PTK2B: variants seen among roughly 807,000 people sequenced by gnomAD.
PTK2B encodes protein-tyrosine kinase 2-beta.
A neutral mutation model predicts 142.9 loss-of-function variants in PTK2B; 71 were observed. The ratio of observed to expected loss-of-function variants is 0.50; its 90% CI spans 0.41 to 0.61. The LOEUF is 0.61. Ranked by LOEUF, PTK2B falls within the 20% of genes least tolerant of loss-of-function variation. The pLI, the probability that PTK2B is intolerant of heterozygous loss-of-function variation, is 0.00. For missense variants in PTK2B, 1,105 were observed against 1,320.4 expected, an observed-to-expected ratio of 0.84 and a Z score of 2.53; for synonymous variants, 519 against 503.4, an observed-to-expected ratio of 1.03 and a Z score of -0.42.
chr8:27,370,085 A>G (rs990044807), intron 1 of PTK2B, among the ~76,000 whole-genome samples: 1 of 152,248 alleles, frequency 6.6e-6, no homozygotes, highest in East Asian at 1.9e-4. Context: ...TCAGGGTCTC[A>G]GAGCTCTTGG....
intron 2 of PTK2B, among the ~76,000 whole-genome samples, chr8:27,409,536 G>A (rs1032783809): frequency 3.3e-5 from 5 of 152,106 alleles, no homozygotes; most frequent in African/African-American, 1.2e-4. Flanking sequence ...GGGTACAGAG[G>A]GGATGGGACT....
At chr8:27,371,388 G>A (rs1485065454) in intron 1 of PTK2B, among the ~76,000 whole-genome samples, 3 of 152,178 alleles carry the variant, frequency 2.0e-5, no homozygotes, top group Non-Finnish European at 4.4e-5. Flanking sequence ...AATGGGCATA[G>A]CGTGAAGAAT....
intron 2 of PTK2B, among the ~76,000 whole-genome samples, chr8:27,402,284 G>C (rs916932842): frequency 6.6e-6 from 1 of 152,150 alleles, no homozygotes; most frequent in African/African-American, 2.4e-5. Flanking sequence ...TGGGTGGTCA[G>C]GGTCCCATTG....
At chr8:27,443,069 C>T (rs914133131) in intron 22 of PTK2B, 86 bp downstream of exon 22, 15 of 825,816 alleles carry the variant, frequency 1.8e-5, no homozygotes, top group Non-Finnish European at 2.6e-5. Flanking sequence ...ACTGCACAGG[C>T]AGGATGCCCC....
intron 1 of PTK2B, among the ~76,000 whole-genome samples, chr8:27,327,777 G>T (rs933419590): frequency 6.6e-6 from 1 of 152,204 alleles, no homozygotes; most frequent in Non-Finnish European, 1.5e-5. Flanking sequence ...CATGTAGACC[G>T]GTGAGCTTCT....
At chr8:27,417,459 G>A (rs1454229025) in intron 2 of PTK2B, among the ~76,000 whole-genome samples, 1 of 152,104 alleles carries the variant, frequency 6.6e-6, no homozygotes, top group African/African-American at 2.4e-5. Flanking sequence ...GGTGGACTGA[G>A]AAGGGATATG....
intron 1 of PTK2B, among the ~76,000 whole-genome samples, chr8:27,378,009 A>G (rs1400682743): frequency 6.6e-6 from 1 of 152,224 alleles, no homozygotes; most frequent in East Asian, 1.9e-4. Flanking sequence ...CACTTGTAAA[A>G]ACGAGGGAAG....
intron 30 of PTK2B, among the ~76,000 whole-genome samples, chr8:27,456,273 A>G (rs562870218): frequency 1.3e-5 from 2 of 152,204 alleles, no homozygotes; most frequent in Non-Finnish European, 2.9e-5. Flanking sequence ...GAGCAAGCCT[A>G]TTGGTGCCAT....
At chr8:27,406,539 C>T (rs182132399) in intron 2 of PTK2B, among the ~76,000 whole-genome samples, 50 of 152,174 alleles carry the variant, frequency 3.3e-4, no homozygotes, top group Admixed American at 7.2e-4. Flanking sequence ...AGAGACTCAC[C>T]GAATGTGTGA....
chr8:27,456,145 A>C (rs944314940), intron 30 of PTK2B, among the ~76,000 whole-genome samples: 7 of 152,164 alleles, frequency 4.6e-5, no homozygotes, highest in Non-Finnish European at 8.8e-5. Context: ...TTCATTTGTA[A>C]ATACCTCTTG....
chr8:27,343,641 A>T (rs543849942), intron 1 of PTK2B, among the ~76,000 whole-genome samples: 2 of 152,302 alleles, frequency 1.3e-5, no homozygotes, highest in South Asian at 4.1e-4. Context: ...TGACAACCCC[A>T]TTCAACCTTT....
At chr8:27,337,743 T>A (rs1056730258) in intron 1 of PTK2B, among the ~76,000 whole-genome samples, 2 of 152,248 alleles carry the variant, frequency 1.3e-5, no homozygotes, top group African/African-American at 2.4e-5. Flanking sequence ...TGTGTGGATA[T>A]GCCATATTTT....
At chr8:27,365,816 G>T (rs926381175) in intron 1 of PTK2B, among the ~76,000 whole-genome samples, 10 of 152,182 alleles carry the variant, frequency 6.6e-5, no homozygotes, top group Non-Finnish European at 5.9e-5. Context: ...CCCTGGTGAT[G>T]GGGACTGTTC....
chr8:27,430,789 G>A (rs915463398), intron 7 of PTK2B, 87 bp from the exon 8 acceptor site: 86 of 1,517,086 alleles, frequency 5.7e-5, no homozygotes, highest in Non-Finnish European at 7.0e-5. Context: ...TTTTCGAGCA[G>A]TGGGCAGTCT....
chr8:27,448,779 G>A (rs1027834507), intron 24 of PTK2B, among the ~76,000 whole-genome samples: 7 of 152,214 alleles, frequency 4.6e-5, no homozygotes, highest in African/African-American at 1.7e-4. Flanking sequence ...GCCTGGGGCA[G>A]CCATGCCATT....
intron 1 of PTK2B, among the ~76,000 whole-genome samples, chr8:27,338,214 A>C (rs140859533): frequency 6.6e-6 from 1 of 151,968 alleles, no homozygotes; most frequent in Non-Finnish European, 1.5e-5. Context: ...TTTATTTTTT[A>C]TGTCAACAAT....
rs958839092 is a variant in PTK2B, at chr8:27,454,708, G to A, written c.2814+97G>A. The A allele has an allele frequency of 1.2e-5, 16 of 1,282,842 alleles. 1 individual carries two copies. The highest frequency in any genetic ancestry group is 5.0e-5 in the South Asian group (4 of 80,366). 79.5% of individuals were successfully genotyped at this position (1,282,842 alleles called of 1,614,324 possible). ...ATGATGGCTGCCTGGGCAACCTCAT[G>A]TCTGTCCACTGAGTCCCCACCAGGT... On this transcript the variant is annotated intron_variant, in intron 30 of 30. Transcript: ENST00000346049.
chr8:27,422,678 C>G (rs955664499), intron 5 of PTK2B, among the ~76,000 whole-genome samples: 9 of 152,198 alleles, frequency 5.9e-5, no homozygotes, highest in African/African-American at 2.2e-4. Flanking sequence ...TGCTGCTGTT[C>G]AAGCGATTCA....
chr8:27,378,011 C>T (rs139149240), intron 1 of PTK2B, among the ~76,000 whole-genome samples: 2,525 of 152,280 alleles, frequency 0.017, 41 homozygotes, highest in Non-Finnish European at 0.026. Context: ...CTTGTAAAAA[C>T]GAGGGAAGTA....
Sources: allele counts gnomAD v4.1 joint callset (sites outside exome capture counted in the v4.1 genomes callset), GRCh38; gene constraint gnomAD v4.1.1; transcripts MANE v1.5; gene names NCBI Gene and HGNC (gene_info 2026-07-23, HGNC 2026-07-21).